The following ATP8B4 variants were observed in gnomAD, a reference collection of about 807,000 sequenced individuals.
ATP8B4 encodes ATPase phospholipid transporting 8B4 (putative).
In ATP8B4, 133 loss-of-function variants were observed where a neutral mutation model predicts 145.6. The observed-to-expected ratio is 0.91, with a 90% CI of 0.79 to 1.05. The LOEUF (loss-of-function observed/expected upper bound fraction) is 1.05. Among genes scored for constraint, ATP8B4 ranks in the 50% least tolerant of loss-of-function variants. The pLI is 0.00. For missense variants in ATP8B4, 1,458 were observed against 1,425.2 expected (o/e 1.02, Z -0.37); for synonymous variants, 507 against 492.9 (o/e 1.03, Z -0.38).
At chr15:50,124,547 ATTAAAC>A (rs1445196219) in intron 1 of ATP8B4, among the ~76,000 whole-genome samples, 18 of 152,346 alleles carry the variant, frequency 1.2e-4, no homozygotes, top group African/African-American at 3.8e-4. Context: ...AATTTCAGGA[ATTAAAC>A]TTAAAGTAAT....
At chr15:49,897,087 T>G in intron 23 of ATP8B4, 1 of 523,038 alleles carries the variant, frequency 1.9e-6, no homozygotes, top group South Asian at 3.1e-5. Flanking sequence ...AGAAAATAAA[T>G]AAATAAAATT....
At chr15:50,114,948 A>T (rs1204194284) in intron 1 of ATP8B4, among the ~76,000 whole-genome samples, 1 of 152,218 alleles carries the variant, frequency 6.6e-6, no homozygotes, top group East Asian at 1.9e-4. Context: ...TGGGCTGGGC[A>T]TGAGGGAGGC....
intron 10 of ATP8B4, 122 bp from the exon 11 acceptor site, chr15:49,981,416 T>A (rs1240193495): frequency 2.6e-5 from 20 of 768,394 alleles, no homozygotes; most frequent in Non-Finnish European, 4.0e-5. Context: ...TTAACTTTTA[T>A]TAAGAGCAAG....
In ATP8B4 at chr15:49,897,421, C is replaced by A. The variant is rs761687861; in HGVS notation, c.2568G>T (p.Arg856Ser). 16 of 1,613,784 alleles carry A rather than the reference C, an allele frequency of 9.9e-6. No individual in the cohort carries two copies. Among genetic ancestry groups the A allele is most frequent in the Non-Finnish European group, 1.4e-5 (16 of 1,179,878 alleles). Residue 856 changes from arginine (R) to serine (S), a missense_variant, in exon 23 of 28, where the codon AGG (arginine) becomes AGT (serine). By Grantham distance (110) the Arg-to-Ser change is moderately radical (BLOSUM62 -1). Transcript: ENST00000284509. ...YSFAQFRYLQ[R>S]LLLVHGRWSY... is the part of the protein sequence containing the mutation. Reference sequence around the variant, plus strand: ...ACCACCTTCCATGAACAAGGAGAAGCCTTTGGAGATATCTAAACTGTGCAA... The same window carrying A: ...ACCACCTTCCATGAACAAGGAGAAGACTTTGGAGATATCTAAACTGTGCAA...
At chr15:49,924,199 C>T (rs1463489315) in intron 16 of ATP8B4, among the ~76,000 whole-genome samples, 1 of 152,192 alleles carries the variant, frequency 6.6e-6, no homozygotes, top group Non-Finnish European at 1.5e-5. Flanking sequence ...CCATTCCCAC[C>T]GACAACCCCC....
At chr15:49,972,237 G>A (rs1167303120) in intron 13 of ATP8B4, among the ~76,000 whole-genome samples, 2 of 152,030 alleles carry the variant, frequency 1.3e-5, no homozygotes, top group Non-Finnish European at 2.9e-5. Context: ...AAACTTGCAC[G>A]TTCTGCACAT....
At chr15:49,981,329 T>C (rs2046135956) in intron 10 of ATP8B4, 35 bp from the exon 11 acceptor site, 1 of 1,471,754 alleles carries the variant, frequency 6.8e-7, no homozygotes. Flanking sequence ...AACTTTGAAA[T>C]GATATGATTA....
chr15:50,114,272 C>CTT (rs1270448001), intron 1 of ATP8B4, among the ~76,000 whole-genome samples: 1 of 152,008 alleles, frequency 6.6e-6, no homozygotes, highest in East Asian at 1.9e-4. Flanking sequence ...CCTTCCTACC[C>CTT]TTTCCCCCTG....
At chr15:50,079,577 T>G (rs1271192211) in intron 2 of ATP8B4, among the ~76,000 whole-genome samples, 1 of 152,204 alleles carries the variant, frequency 6.6e-6, no homozygotes, top group Non-Finnish European at 1.5e-5. Flanking sequence ...AGGCATTAAT[T>G]TACCTTAGAA....
At chr15:50,128,834 C>T (rs1192804632) in intron 1 of ATP8B4, among the ~76,000 whole-genome samples, 4 of 152,108 alleles carry the variant, frequency 2.6e-5, no homozygotes, top group East Asian at 1.9e-4. Flanking sequence ...CCAAGGTGGG[C>T]GGAGTTCGAG....
chr15:49,958,598 G>A (rs899485396), intron 14 of ATP8B4, among the ~76,000 whole-genome samples: 1 of 151,794 alleles, frequency 6.6e-6, no homozygotes, highest in African/African-American at 2.4e-5. Flanking sequence ...AGACCTATGA[G>A]TCTTTTCAAA....
intron 3 of ATP8B4, among the ~76,000 whole-genome samples, chr15:50,050,816 C>A (rs1372414485): frequency 6.6e-6 from 1 of 151,850 alleles, no homozygotes; most frequent in Non-Finnish European, 1.5e-5. Context: ...AGGCTTAATT[C>A]TATCCTATCC....
intron 24 of ATP8B4, 96 bp downstream of exon 24, chr15:49,879,280 G>C (rs2035008671): frequency 9.1e-7 from 1 of 1,093,606 alleles, no homozygotes; most frequent in Non-Finnish European, 1.3e-6. Context: ...GCATTCCTAG[G>C]GCTGCTACTT....
chr15:49,922,900 C>T (rs1306654697), intron 17 of ATP8B4, among the ~76,000 whole-genome samples: 5 of 152,150 alleles, frequency 3.3e-5, no homozygotes, highest in Non-Finnish European at 7.3e-5. Flanking sequence ...AATAAAAAGA[C>T]CCTTAGAGGA....
chr15:50,045,057 T>C (rs1248958755), intron 4 of ATP8B4, among the ~76,000 whole-genome samples: 2 of 152,208 alleles, frequency 1.3e-5, no homozygotes, highest in Admixed American at 6.5e-5. Context: ...CAAAGAGAGA[T>C]TGTTTGAACA....
Position 49,860,309 on chromosome 15 carries a change from G to T in ATP8B4, c.3464C>A (p.Pro1155Gln). Residue 1155 changes from proline (P) to glutamine (Q), a missense_variant, in exon 28 of 28, where the codon CCA (proline) becomes CAA (glutamine). By Grantham distance (76) the Pro-to-Gln change is moderately conservative. Transcript: ENST00000284509. The stretch of plus-strand genomic sequence containing the variant: ...ATGTGTCTTTTCCAGCCCTGATGTT[G>T]GGGGTGGATTTTTAGCTCGCATATT... Reference protein sequence around the residue: ...GKNMRAKNPPPTSGLEKTHYN... With the variant: ...GKNMRAKNPPQTSGLEKTHYN... 1 of 1,614,108 alleles carries T rather than the reference G, an allele frequency of 6.2e-7. No individual in the cohort carries two copies. The highest frequency in any genetic ancestry group is 1.7e-4 in the Middle Eastern group (1 of 6,060).
intron 12 of ATP8B4, among the ~76,000 whole-genome samples, chr15:49,975,952 T>A (rs1346208528): frequency 2.6e-5 from 4 of 152,294 alleles, no homozygotes; most frequent in African/African-American, 9.6e-5. Context: ...TAGTGGAAAT[T>A]AATCCTTGGT....
At chr15:49,943,512 T>A (rs1276884072) in intron 14 of ATP8B4, among the ~76,000 whole-genome samples, 1 of 151,666 alleles carries the variant, frequency 6.6e-6, no homozygotes, top group Admixed American at 6.6e-5. Context: ...CTCCACAAGA[T>A]CATCAGTAGA....
chr15:50,125,381 A>T (rs552418598), intron 1 of ATP8B4, among the ~76,000 whole-genome samples: 1 of 152,194 alleles, frequency 6.6e-6, no homozygotes, highest in East Asian at 1.9e-4. Flanking sequence ...TGGGTGTGAA[A>T]ATTTCCTACC....
Sources: gnomAD v4.1 joint callset for allele counts (sites outside exome capture counted in the v4.1 genomes callset) on GRCh38, gnomAD v4.1.1 for gene constraint, MANE v1.5 for transcripts, NCBI Gene and HGNC (gene_info 2026-07-23, HGNC 2026-07-21) for gene names.